Variants in AGBL4 observed in about 807,000 individuals in gnomAD.
AGBL4 encodes AGBL carboxypeptidase 4.
A neutral mutation model predicts 66.4 loss-of-function variants in AGBL4; 58 were observed. The ratio of observed to expected loss-of-function variants is 0.87; its 90% confidence interval spans 0.71 to 1.09. AGBL4 has a LOEUF of 1.09. Ranked by LOEUF, AGBL4 falls within the 50% of genes least tolerant of loss-of-function variation. AGBL4 has a pLI of 0.00. For missense variants in AGBL4, 579 were observed against 631.0 expected (o/e 0.92, Z 0.88); for synonymous variants, 234 against 222.9 (o/e 1.05, Z -0.44).
intron 3 of AGBL4, among the ~76,000 whole-genome samples, chr1:49,676,983 C>G (rs1226312530): frequency 1.3e-5 from 2 of 152,058 alleles, no homozygotes; most frequent in Non-Finnish European, 2.9e-5. Context: ...ACTGCTGTGT[C>G]TTTCACTATT....
intron 3 of AGBL4, among the ~76,000 whole-genome samples, chr1:49,652,586 C>G (rs1398440839): frequency 6.6e-6 from 1 of 152,144 alleles, no homozygotes; most frequent in Non-Finnish European, 1.5e-5. Context: ...AGACTGAGTA[C>G]TGGCAATGGG....
chr1:48,748,311 A>G (rs950405228), intron 6 of AGBL4, among the ~76,000 whole-genome samples: 2 of 152,136 alleles, frequency 1.3e-5, no homozygotes, highest in African/African-American at 4.8e-5. Context: ...TCTTAGCCCC[A>G]TTAGTCTTCC....
intron 3 of AGBL4, among the ~76,000 whole-genome samples, chr1:49,360,399 T>C (rs1644112086): frequency 6.6e-6 from 1 of 152,214 alleles, no homozygotes; most frequent in African/African-American, 2.4e-5. Flanking sequence ...GAATTCTGTG[T>C]ATCTAATAAT....
At chr1:49,125,473 C>T (rs967225193) in intron 4 of AGBL4, among the ~76,000 whole-genome samples, 3 of 152,026 alleles carry the variant, frequency 2.0e-5, no homozygotes, top group East Asian at 1.9e-4. Context: ...CTGGCTGCTT[C>T]GCAAGGAGAA....
intron 4 of AGBL4, among the ~76,000 whole-genome samples, chr1:49,148,528 T>C (rs908926707): frequency 2.6e-5 from 4 of 152,140 alleles, no homozygotes; most frequent in African/African-American, 9.7e-5. Context: ...CTGTGGTAAG[T>C]GGGGACCCTC....
intron 4 of AGBL4, among the ~76,000 whole-genome samples, chr1:49,096,553 G>T (rs557845805): frequency 6.6e-6 from 1 of 151,788 alleles, no homozygotes; most frequent in African/African-American, 2.4e-5. Context: ...CATGGATGAA[G>T]CTGGAAACCA....
At chr1:48,884,134 A>G (rs1377139429) in intron 5 of AGBL4, among the ~76,000 whole-genome samples, 2 of 152,126 alleles carry the variant, frequency 1.3e-5, no homozygotes, top group East Asian at 3.9e-4. Flanking sequence ...AGCAGCCCCT[A>G]TTGAATAAAT....
intron 9 of AGBL4, among the ~76,000 whole-genome samples, chr1:48,596,395 CT>C (rs1228131148): frequency 2.6e-5 from 4 of 152,106 alleles, no homozygotes; most frequent in Non-Finnish European, 4.4e-5. Context: ...ATGTTTTCCC[CT>C]GGGACTGAGA....
intron 2 of AGBL4, among the ~76,000 whole-genome samples, chr1:49,795,991 A>G (rs1644720497): frequency 6.6e-6 from 1 of 152,002 alleles, no homozygotes; most frequent in African/African-American, 2.4e-5. Flanking sequence ...TCATAAAATT[A>G]AAATATATCA....
intron 5 of AGBL4, among the ~76,000 whole-genome samples, chr1:48,867,464 C>G (rs932406859): frequency 1.5e-5 from 2 of 132,866 alleles, no homozygotes; most frequent in African/African-American, 5.4e-5. Flanking sequence ...TTAGAGGTCT[C>G]TCAGACAAAT....
intron 1 of AGBL4, chr1:50,017,431 C>T (rs1002345475): frequency 2.0e-5 from 3 of 152,136 alleles, no homozygotes; most frequent in Non-Finnish European, 2.9e-5. Flanking sequence ...TATCACAATC[C>T]TATCCATTAT....
chr1:49,808,826 T>G (rs1422139709), intron 2 of AGBL4, among the ~76,000 whole-genome samples: 2 of 152,198 alleles, frequency 1.3e-5, no homozygotes, highest in African/African-American at 4.8e-5. Context: ...TATAGAAGAT[T>G]GCTAGGATAT....
chr1:48,561,972 C>A (rs938196371), intron 11 of AGBL4, among the ~76,000 whole-genome samples: 1 of 152,124 alleles, frequency 6.6e-6, no homozygotes, highest in East Asian at 1.9e-4. Context: ...TATATGAAAG[C>A]AGGACCAATA....
At chr1:49,384,877 A>G (rs1269374930) in intron 3 of AGBL4, among the ~76,000 whole-genome samples, 2 of 152,318 alleles carry the variant, frequency 1.3e-5, no homozygotes, top group South Asian at 2.1e-4. Flanking sequence ...AATAATTGAA[A>G]GAAGGATCTC....
At chr1:48,846,421 G>GAAAGAAAGAAAGAAATAAAT (rs796582660) in intron 6 of AGBL4, among the ~76,000 whole-genome samples, 1 of 144,602 alleles carries the variant, frequency 6.9e-6, no homozygotes, top group Non-Finnish European at 1.5e-5. Context: ...AAGAAAGAAA[G>GAAAGAAAGAAAGAAATAAAT]AAATTCATTT....
intron 5 of AGBL4, among the ~76,000 whole-genome samples, chr1:49,001,303 T>C (rs1661376417): frequency 6.6e-6 from 1 of 152,226 alleles, no homozygotes; most frequent in Non-Finnish European, 1.5e-5. Context: ...AAATCTTCAA[T>C]TGACAAGCAG....
intron 6 of AGBL4, among the ~76,000 whole-genome samples, chr1:48,745,882 T>C (rs542996909): frequency 6.6e-6 from 1 of 152,184 alleles, no homozygotes; most frequent in South Asian, 2.1e-4. Flanking sequence ...TCTACCATAA[T>C]AATCAGATGT....
rs536770958 is a variant in AGBL4 at position 49,516,236 on chromosome 1, C to A, written c.282+181077G>T. Among the ~76,000 whole-genome samples, 47 of 152,016 alleles carry A rather than the reference C, an allele frequency of 3.1e-4. 1 individual carries two copies. The highest frequency in any genetic ancestry group is 7.2e-4 in the Admixed American group (11 of 15,246). The stretch of plus-strand genomic sequence containing the variant: ...ATATAATAGGGAACACAGGCAAATA[C>A]ACATGCAATTATACTATAGCATCAC... On this transcript the variant is annotated intron_variant, in intron 3 of 13. Coordinates refer to ENST00000371839, the MANE Select transcript of AGBL4 (RefSeq NM_032785.4).
chr1:49,054,934 C>A (rs1644283991), intron 4 of AGBL4, among the ~76,000 whole-genome samples: 2 of 151,806 alleles, frequency 1.3e-5, no homozygotes, highest in Non-Finnish European at 2.9e-5. Flanking sequence ...AATGAAGCAC[C>A]AAAGTGCTTC....
Sources: allele counts gnomAD v4.1 joint callset (sites outside exome capture counted in the v4.1 genomes callset), GRCh38; gene constraint gnomAD v4.1.1; transcripts MANE v1.5; gene names NCBI Gene and HGNC (gene_info 2026-07-23, HGNC 2026-07-21).